The following ARHGAP39 variants were observed in gnomAD, a reference collection of about 807,000 sequenced individuals.
ARHGAP39 encodes rho GTPase-activating protein 39.
ARHGAP39 carries 44 observed loss-of-function variants against 106.9 expected under a neutral mutation model. The observed-to-expected ratio is 0.41, with a 90% confidence interval of 0.32 to 0.53. ARHGAP39 has a LOEUF of 0.53. ARHGAP39 is among the 20% of genes least tolerant of loss of function. The pLI is 0.21. For missense variants in ARHGAP39, 1,496 were observed against 1,577.3 expected (o/e 0.95, Z 0.87); for synonymous variants, 768 against 693.2 (o/e 1.11, Z -1.69).
Position 144,547,753 on chromosome 8 carries a change from A to G in ARHGAP39, c.1333T>C (p.Ser445Pro). ...LLRDQRLGVK[S>P]GDYSTMEGPE... ...CCCTCCATGGTGCTGTAGTCTCCGG[A>G]CTTGACGCCCAGGCGCTGGTCCCTC... Residue 445 changes from serine (S) to proline (P), a missense_variant, in exon 5 of 12, where the codon TCC becomes CCC. Physicochemically the swap from Ser to Pro is moderately conservative, Grantham distance 74 (BLOSUM62 -1). Around this residue, in one of 4 missense-constraint regions of ARHGAP39, gnomAD observed 905 missense variants for 816.4 expected, o/e 1.11. Coordinates refer to ENST00000377307, the MANE Select transcript of ARHGAP39 (RefSeq NM_025251.3). The surrounding 1 kb of genome is among the most constrained non-coding windows in gnomAD (Gnocchi z 5.2). 6.3e-7 allele frequency: 1 copy of G among 1,598,906 alleles called. No homozygotes were observed. The highest frequency in any genetic ancestry group is 8.5e-7 in the Non-Finnish European group (1 of 1,177,796).
chr8:144,640,743 T>C (rs1821291069), intron 1 of ARHGAP39, among the ~76,000 whole-genome samples: 1 of 152,216 alleles, frequency 6.6e-6, no homozygotes, highest in East Asian at 1.9e-4. Context: ...AAGCATCCCA[T>C]AAAACATTGT....
rs1821307291 is a variant in ARHGAP39, at chr8:144,641,242, T to A, written c.-81-35547A>T. On this transcript the variant is annotated intron_variant, in intron 1 of 11. Transcript: ENST00000377307. This position sits in a 1 kb window ranked among gnomAD's most constrained non-coding sequence, Gnocchi z 5.2. ...GACATCTGGGACCCTGGGGCACCGGTCTCTGGCCCTCAAGGCACCAGAGGA... is the reference window on the plus strand; with the variant it reads ...GACATCTGGGACCCTGGGGCACCGGACTCTGGCCCTCAAGGCACCAGAGGA... Among the ~76,000 whole-genome samples, 1 of 151,978 alleles carries A rather than the reference T, an allele frequency of 6.6e-6. No homozygotes were observed. Among genetic ancestry groups the A allele is most frequent in the Non-Finnish European group, 1.5e-5 (1 of 67,990 alleles).
At chr8:144,539,821 G>A (rs1487064542) in intron 6 of ARHGAP39, among the ~76,000 whole-genome samples, 1 of 152,196 alleles carries the variant, frequency 6.6e-6, no homozygotes, top group African/African-American at 2.4e-5. Context: ...TAACAAGTCA[G>A]GTGGTGTAAG....
intron 1 of ARHGAP39, among the ~76,000 whole-genome samples, chr8:144,627,349 G>A (rs964585267): frequency 1.3e-5 from 2 of 152,082 alleles, no homozygotes; most frequent in African/African-American, 4.8e-5. Context: ...AGGTCAGATC[G>A]AGACCATCCT....
At chr8:144,546,656 A>G (rs1817435856) in intron 5 of ARHGAP39, among the ~76,000 whole-genome samples, 1 of 152,074 alleles carries the variant, frequency 6.6e-6, no homozygotes, top group Non-Finnish European at 1.5e-5. Flanking sequence ...GGCTGGGCGC[A>G]ACATCCCGGA....
rs79042484 is a variant in ARHGAP39 at position 144,670,590 on chromosome 8, C to G, written c.-82+15096G>C. Among the ~76,000 whole-genome samples the G allele has an allele frequency of 3.9e-5, 6 of 152,114 alleles. No homozygotes were observed. Among genetic ancestry groups the G allele is most frequent in the African/African-American group, 1.4e-4 (6 of 41,430 alleles). On this transcript the variant is annotated intron_variant, in intron 1 of 11. Coordinates refer to ENST00000377307, the MANE Select transcript of ARHGAP39 (RefSeq NM_025251.3). This position sits in a 1 kb window ranked among gnomAD's most constrained non-coding sequence, Gnocchi z 4.4. ...TGGCTGCCTCACTTGTCCTGCCTCC[C>G]GCCCTGCTCCAGGCTCCCTGGGCTC... is the stretch of plus-strand genomic sequence containing the variant.
intron 2 of ARHGAP39, among the ~76,000 whole-genome samples, chr8:144,600,237 TACC>T (rs373086638): frequency 1.3e-4 from 18 of 141,974 alleles, no homozygotes; most frequent in Non-Finnish European, 1.8e-4. Context: ...CAAGCTCGTG[TACC>T]TACCTGCGTG....
intron 1 of ARHGAP39, among the ~76,000 whole-genome samples, chr8:144,618,183 C>T (rs1820688413): frequency 1.3e-5 from 2 of 152,234 alleles, no homozygotes; most frequent in African/African-American, 4.8e-5. Flanking sequence ...AAGAACCCCT[C>T]GCCTGCCTGC....
intron 2 of ARHGAP39, among the ~76,000 whole-genome samples, chr8:144,599,499 A>C (rs111844332): frequency 0.021 from 3,130 of 152,350 alleles, 49 homozygotes; most frequent in Middle Eastern, 0.037. Flanking sequence ...GGAGATAAAC[A>C]GAAAACAAGA....
rs781086099 is a variant in ARHGAP39, at chr8:144,641,465, G to A, written c.-81-35770C>T. 1.3e-5 allele frequency among the ~76,000 whole-genome samples: 2 copies of A among 151,276 alleles called. No homozygotes were observed. Among genetic ancestry groups the A allele is most frequent in the African/African-American group, 2.4e-5 (1 of 41,056 alleles). Reference sequence around the variant, plus strand: ...TCACATCGAGGAGGAATGCAGTGGCGCCCAGGTGGCCAACTCCCGAGGCAG... The same window carrying A: ...TCACATCGAGGAGGAATGCAGTGGCACCCAGGTGGCCAACTCCCGAGGCAG... On this transcript the variant is annotated intron_variant, in intron 1 of 11. Coordinates refer to ENST00000377307, the MANE Select transcript of ARHGAP39 (RefSeq NM_025251.3). The surrounding 1 kb of genome is among the most constrained non-coding windows in gnomAD (Gnocchi z 5.2).
intron 2 of ARHGAP39, among the ~76,000 whole-genome samples, chr8:144,601,714 A>C (rs553805053): frequency 2.1e-5 from 2 of 95,046 alleles, no homozygotes; most frequent in East Asian, 6.6e-4. Context: ...TGTGTGTGTG[A>C]GCTCATGTAC....
chr8:144,596,838 G>A (rs1015785886), intron 2 of ARHGAP39, among the ~76,000 whole-genome samples: 6 of 152,234 alleles, frequency 3.9e-5, no homozygotes, highest in Non-Finnish European at 7.3e-5. Context: ...CTCCAGACCC[G>A]CAAGGGTACC....
Position 144,591,124 on chromosome 8 carries a change from G to C in ARHGAP39, c.81-9847C>G, listed in dbSNP as rs911866256. 6.6e-6 allele frequency among the ~76,000 whole-genome samples: 1 copy of C among 152,182 alleles called. No homozygotes were observed. The highest frequency in any genetic ancestry group is 1.5e-5 in the Non-Finnish European group (1 of 68,030). ...TTCCATGACCTCCTGGAGCCGGGTG[G>C]CTGCGCAGGCCTGGGGTGCAAGGCC... is the stretch of plus-strand genomic sequence containing the variant. On this transcript the variant is annotated intron_variant, in intron 2 of 11. Transcript: ENST00000377307. The surrounding 1 kb of genome is among the most constrained non-coding windows in gnomAD (Gnocchi z 5.3).
At chr8:144,687,671 G>A (rs1277591348), upstream of ARHGAP39, among the ~76,000 whole-genome samples, 10 of 47,386 alleles carry the variant, frequency 2.1e-4, no homozygotes, top group Non-Finnish European at 2.7e-4. Flanking sequence ...CCACACACTA[G>A]CAGTGAGCAC....
At chr8:144,561,686 GCTCCAGTGGTTTCCATCACA>G (rs1343605826) in intron 3 of ARHGAP39, among the ~76,000 whole-genome samples, 9 of 119,374 alleles carry the variant, frequency 7.5e-5, no homozygotes, top group African/African-American at 1.3e-4. Flanking sequence ...TTTCCATCGC[GCTCCAGTGGTTTCCATCACA>G]CTCCAGTGGT....
rs1340181481 is a variant in ARHGAP39 at position 144,529,868 on chromosome 8, C to G, written c.*554G>C. 1.3e-5 allele frequency: 2 copies of G among 152,370 alleles called. No homozygotes were observed. The highest frequency in any genetic ancestry group is 4.8e-5 in the African/African-American group (2 of 41,352). The allele number at this position is 152,370 out of a possible 1,614,324, so 9.4% of individuals were successfully genotyped here. On this transcript the variant is annotated 3_prime_UTR_variant, in exon 12 of 12. Transcript: ENST00000377307. ...GGGCCCCCACCCCACCCACCGAGAG[C>G]CTGCCAGGCCCCGGGCCCACTGTCC...
chr8:144,547,021 G>A lies in ARHGAP39; in HGVS notation c.1959+106C>T. The A allele has an allele frequency of 7.5e-7, 1 of 1,337,458 alleles. No homozygotes were observed. 82.8% of individuals were successfully genotyped at this position (1,337,458 alleles called of 1,614,324 possible). A position where few individuals can be genotyped will look rare whatever the true frequency, so the allele number is the denominator to read the frequency against. ...ACGGGGCTTCAGAACTCTGCGTGCT[G>A]CGTGCACGCCCTGGACGCCAGGTCT... On this transcript the variant is annotated intron_variant, in intron 5 of 11. Transcript: ENST00000377307. The surrounding 1 kb of genome is among the most constrained non-coding windows in gnomAD (Gnocchi z 5.2).
chr8:144,581,662 C>T (rs756894480), intron 2 of ARHGAP39, among the ~76,000 whole-genome samples: 7 of 152,220 alleles, frequency 4.6e-5, no homozygotes, highest in Non-Finnish European at 7.3e-5. Flanking sequence ...GTAGCCCCTC[C>T]GCTGCAACTG....
intron 1 of ARHGAP39, among the ~76,000 whole-genome samples, chr8:144,605,977 C>A (rs1820276473): frequency 6.6e-6 from 1 of 152,246 alleles, no homozygotes; most frequent in Admixed American, 6.5e-5. Flanking sequence ...CCACGATGGG[C>A]CGGGGCAGGC....
Sources: allele counts gnomAD v4.1 joint callset (sites outside exome capture counted in the v4.1 genomes callset), GRCh38; gene constraint gnomAD v4.1.1; regional missense constraint gnomAD v4.1.1; non-coding constraint Gnocchi (gnomAD v3.1); transcripts MANE v1.5; gene names NCBI Gene and HGNC (gene_info 2026-07-23, HGNC 2026-07-21).